ZNF704: variants seen among roughly 807,000 people sequenced by gnomAD.
The protein encoded by ZNF704 is glucocorticoid induced gene 1.
ZNF704 carries 10 observed loss-of-function variants against 44.7 expected under a neutral mutation model. The ratio of observed to expected loss-of-function variants is 0.22; its 90% CI spans 0.14 to 0.38. ZNF704 has a LOEUF of 0.38. Ranked by LOEUF, ZNF704 falls within the 10% of genes least tolerant of loss-of-function variation. The probability of loss-of-function intolerance (pLI) is 1.00; values close to 1 mark genes in which losing one functional copy is unlikely to be tolerated. For synonymous variants in ZNF704, 211 were observed against 207.6 expected (o/e 1.02, Z -0.14); for missense variants, 390 against 545.5 (o/e 0.71, Z 2.84).
chr8:80,686,467 G>C (rs945158965), intron 4 of ZNF704, among the ~76,000 whole-genome samples: 1 of 152,136 alleles, frequency 6.6e-6, no homozygotes, highest in Non-Finnish European at 1.5e-5. Context: ...CTGCAGTCTT[G>C]AACTCTTGGA....
chr8:80,812,465 T>A (rs1808104230), intron 2 of ZNF704: 1 of 145,764 alleles, frequency 6.9e-6, no homozygotes, highest in South Asian at 2.1e-4. Context: ...TGGGTGCATG[T>A]CTCTTAGAAA....
intron 1 of ZNF704, among the ~76,000 whole-genome samples, chr8:80,849,737 C>G (rs1808826386): frequency 6.6e-6 from 1 of 152,156 alleles, no homozygotes; most frequent in African/African-American, 2.4e-5. Flanking sequence ...TTTTCAGGCT[C>G]TGTTTACCTG....
intron 1 of ZNF704, among the ~76,000 whole-genome samples, chr8:80,836,602 C>A (rs1440612240): frequency 1.3e-5 from 2 of 151,886 alleles, no homozygotes; most frequent in African/African-American, 4.8e-5. Flanking sequence ...CCTGGCAACC[C>A]CCCGTCTCTA....
intron 7 of ZNF704, among the ~76,000 whole-genome samples, chr8:80,646,874 G>T (rs1817842689): frequency 6.6e-6 from 1 of 152,150 alleles, no homozygotes; most frequent in Non-Finnish European, 1.5e-5. Flanking sequence ...AGAACTTATA[G>T]AATCCCAAGA....
At chr8:80,857,193 C>CT (rs1302946539) in intron 1 of ZNF704, among the ~76,000 whole-genome samples, 1 of 152,004 alleles carries the variant, frequency 6.6e-6, no homozygotes, top group Non-Finnish European at 1.5e-5. Flanking sequence ...GCGATATTTT[C>CT]TTTTTTCCTA....
At chr8:80,762,392 A>G (rs1303458689) in intron 2 of ZNF704, among the ~76,000 whole-genome samples, 3 of 152,168 alleles carry the variant, frequency 2.0e-5, no homozygotes, top group Non-Finnish European at 4.4e-5. Flanking sequence ...AATCATGGTG[A>G]AAGGTGAAGG....
At chr8:80,833,525 C>T (rs1808505960) in intron 1 of ZNF704, among the ~76,000 whole-genome samples, 1 of 152,330 alleles carries the variant, frequency 6.6e-6, no homozygotes, top group African/African-American at 2.4e-5. Flanking sequence ...GACGGCAAAT[C>T]TATAGTCCTA....
In ZNF704 at chr8:80,678,681, C is replaced by T. The variant is rs149448402; in HGVS notation, c.559-8078G>A. 2.4e-3 allele frequency among the ~76,000 whole-genome samples: 366 copies of T among 152,214 alleles called. 3 individuals carry two copies. The highest frequency in any genetic ancestry group is 8.5e-3 in the African/African-American group (351 of 41,510). Reference sequence around the variant, plus strand: ...GGATTGGTTAAATTATGCCATATGACTGTATATTAAACCTTAAACATGAAG... The same window carrying T: ...GGATTGGTTAAATTATGCCATATGATTGTATATTAAACCTTAAACATGAAG... On this transcript the variant is annotated intron_variant, in intron 4 of 8. Coordinates refer to ENST00000327835, the MANE Select transcript of ZNF704 (RefSeq NM_001033723.3).
intron 7 of ZNF704, among the ~76,000 whole-genome samples, chr8:80,650,801 A>G (rs1314187297): frequency 3.3e-5 from 5 of 152,208 alleles, no homozygotes; most frequent in Non-Finnish European, 7.4e-5. Flanking sequence ...ATTCAAATTC[A>G]GGAAATACAG....
At chr8:80,667,091 G>A (rs564055581) in intron 5 of ZNF704, among the ~76,000 whole-genome samples, 33 of 152,250 alleles carry the variant, frequency 2.2e-4, no homozygotes, top group South Asian at 4.1e-4. Context: ...GCTGGCACCC[G>A]CAGTGAGAAC....
intron 2 of ZNF704, among the ~76,000 whole-genome samples, chr8:80,704,505 T>C (rs771193831): frequency 1.3e-5 from 2 of 152,238 alleles, no homozygotes; most frequent in African/African-American, 2.4e-5. Context: ...AGGCAGCTTC[T>C]ATGTTGCTTC....
At chr8:80,725,319 A>G (rs1386945081) in intron 2 of ZNF704, among the ~76,000 whole-genome samples, 1 of 152,130 alleles carries the variant, frequency 6.6e-6, no homozygotes, top group African/African-American at 2.4e-5. Context: ...ATAACAAACA[A>G]AATTTTTGTA....
rs1481168201 is a variant in ZNF704, at chr8:80,671,727, TA to T, written c.559-1125del. ...TTCCTTTTCCTGCTGGGTACACAGCTAGACCTTGATTCCCAGACTCCCTTGC... is the reference window on the plus strand; with the variant it reads ...TTCCTTTTCCTGCTGGGTACACAGCTGACCTTGATTCCCAGACTCCCTTGC... On this transcript the variant is annotated intron_variant, in intron 4 of 8. Coordinates refer to ENST00000327835, the MANE Select transcript of ZNF704 (RefSeq NM_001033723.3). Among the ~76,000 whole-genome samples the T allele has an allele frequency of 2.6e-5, 4 of 152,212 alleles. No individual in the cohort carries two copies. In the East Asian group the frequency reaches 5.8e-4, roughly 22 times the overall value.
intron 7 of ZNF704, among the ~76,000 whole-genome samples, chr8:80,653,559 G>C (rs1473464729): frequency 6.6e-6 from 1 of 151,766 alleles, no homozygotes; most frequent in African/African-American, 2.4e-5. Flanking sequence ...GACAAACAGA[G>C]AGCCAAATCA....
chr8:80,749,320 T>C (rs1168576632), intron 2 of ZNF704, among the ~76,000 whole-genome samples: 2 of 152,134 alleles, frequency 1.3e-5, no homozygotes, highest in African/African-American at 2.4e-5. Flanking sequence ...CCACTTTTTG[T>C]CTTTTATAGT....
intron 1 of ZNF704, among the ~76,000 whole-genome samples, chr8:80,864,089 A>C (rs1809113414): frequency 6.6e-6 from 1 of 151,962 alleles, no homozygotes; most frequent in African/African-American, 2.4e-5. Flanking sequence ...ACAGATACAC[A>C]AGTGAAAATT....
At chr8:80,830,591 T>C (rs1289975818) in intron 1 of ZNF704, among the ~76,000 whole-genome samples, 1 of 151,856 alleles carries the variant, frequency 6.6e-6, no homozygotes, top group Non-Finnish European at 1.5e-5. Flanking sequence ...TATTGAATTG[T>C]ATCTTACAAT....
chr8:80,878,268 G>A (rs1198471421), upstream of ZNF704, among the ~76,000 whole-genome samples: 2 of 127,162 alleles, frequency 1.6e-5, no homozygotes, highest in Non-Finnish European at 3.2e-5. Flanking sequence ...AAGGAAGGAA[G>A]GAAGGAAGGA....
intron 2 of ZNF704, among the ~76,000 whole-genome samples, chr8:80,693,535 G>A (rs1818675482): frequency 6.6e-6 from 1 of 152,230 alleles, no homozygotes; most frequent in Non-Finnish European, 1.5e-5. Context: ...GCATAAACAG[G>A]CTAACGTGAC....
Sources: gnomAD v4.1 joint callset for allele counts (sites outside exome capture counted in the v4.1 genomes callset) on GRCh38, gnomAD v4.1.1 for gene constraint, MANE v1.5 for transcripts, NCBI Gene and HGNC (gene_info 2026-07-23, HGNC 2026-07-21) for gene names.